Variants in MED15 observed in about 807,000 individuals in gnomAD.
MED15 encodes mediator of RNA polymerase II transcription subunit 15.
In MED15, 41 loss-of-function variants were observed where a neutral mutation model predicts 118.7. The observed-to-expected ratio is 0.35, with a 90% CI of 0.27 to 0.45. The LOEUF is 0.45. MED15 is among the 20% of genes least tolerant of loss of function. The pLI is 1.00. For synonymous variants in MED15, 436 were observed against 413.9 expected (o/e 1.05, Z -0.65); for missense variants, 740 against 1,025.5 (o/e 0.72, Z 3.80).
chr22:20,583,014 C>G (rs1309386635), intron 11 of MED15, 47 bp downstream of exon 11: 2 of 1,590,288 alleles, frequency 1.3e-6, no homozygotes, highest in African/African-American at 2.7e-5. Flanking sequence ...CTTTATGAGG[C>G]CTCAGCTCAT....
chr22:20,508,893 C>T (rs372522268), intron 1 of MED15, among the ~76,000 whole-genome samples: 6 of 152,116 alleles, frequency 3.9e-5, no homozygotes, highest in African/African-American at 1.4e-4. Flanking sequence ...GAGACACAGC[C>T]CCTTTCCTGA....
Position 20,583,360 on chromosome 22 carries a change from G to A in MED15, c.1703G>A (p.Ser568Asn). Residue 568 changes from serine to asparagine, a missense_variant, in exon 13 of 18, where the codon AGC (serine) becomes AAC (asparagine). Transcript: ENST00000263205. Reference sequence around the variant, plus strand: ...AAAAAGGACCTGAGTAAGATGAAGAGCCTTCTGGACATTCTGACAGACCCC... The same window carrying A: ...AAAAAGGACCTGAGTAAGATGAAGAACCTTCTGGACATTCTGACAGACCCC... ...DRKKDLSKMKSLLDILTDPSK... is the reference protein window; with the variant it reads ...DRKKDLSKMKNLLDILTDPSK... 1 of 1,612,378 alleles carries A rather than the reference G, an allele frequency of 6.2e-7. No homozygotes were observed. The highest frequency in any genetic ancestry group is 8.5e-7 in the Non-Finnish European group (1 of 1,180,030).
At chr22:20,554,066 C>G (rs543598258) in intron 4 of MED15, among the ~76,000 whole-genome samples, 33 of 152,352 alleles carry the variant, frequency 2.2e-4, no homozygotes, top group Middle Eastern at 6.8e-3. Flanking sequence ...GTCTGCCCTG[C>G]CCTAGACAGT....
chr22:20,584,493 A>T, intron 14 of MED15, 68 bp downstream of exon 14: 1 of 1,550,236 alleles, frequency 6.5e-7, no homozygotes, highest in African/African-American at 1.4e-5. Flanking sequence ...AGTGCTGCTG[A>T]GAGGGCCTTC....
intron 5 of MED15, among the ~76,000 whole-genome samples, chr22:20,564,118 G>C (rs1418890873): frequency 6.6e-6 from 1 of 152,308 alleles, no homozygotes; most frequent in Non-Finnish European, 1.5e-5. Context: ...GATGCCATTC[G>C]TACAAAGAGT....
chr22:20,568,017 A>G (rs2056505990), intron 7 of MED15, among the ~76,000 whole-genome samples: 1 of 152,066 alleles, frequency 6.6e-6, no homozygotes, highest in Admixed American at 6.5e-5. Context: ...ATTTTTGTAT[A>G]TTTTGTAGAT....
At chr22:20,584,696 T>A in intron 14 of MED15, 159 bp from the exon 15 acceptor site, 1 of 1,010,948 alleles carries the variant, frequency 9.9e-7, no homozygotes, top group Non-Finnish European at 1.4e-6. Flanking sequence ...GGTGGGGGAT[T>A]ATTCCCAGGA....
chr22:20,559,590 AG>A (rs774997876), intron 5 of MED15, among the ~76,000 whole-genome samples: 2 of 152,232 alleles, frequency 1.3e-5, no homozygotes, highest in Non-Finnish European at 2.9e-5. Flanking sequence ...AGAGCACCAA[AG>A]GCCAGAGGAA....
At chr22:20,581,147 G>A (rs1245049088) in intron 9 of MED15, among the ~76,000 whole-genome samples, 4 of 152,240 alleles carry the variant, frequency 2.6e-5, no homozygotes, top group South Asian at 2.1e-4. Flanking sequence ...CCCAGCACAC[G>A]TGGTTCAGGA....
At chr22:20,527,303 T>C (rs1367879667) in intron 1 of MED15, among the ~76,000 whole-genome samples, 1 of 152,170 alleles carries the variant, frequency 6.6e-6, no homozygotes, top group Non-Finnish European at 1.5e-5. Flanking sequence ...CAATTTTTTC[T>C]TTGACCTTTC....
chr22:20,585,759 G>T lies in MED15; in HGVS notation c.2163G>T (p.Leu721=), dbSNP rs201018718. ...DDKDLPSVPP[L]ELSVPADYPA... is the part of the protein sequence containing the mutation. ...AGGACCTCCCAAGTGTGCCACCACT[G>T]GAGCTCAGTGTGCCCGCTGACTATC... Residue 721 remains leucine (L), a synonymous_variant, in exon 17 of 18, where the codon CTG becomes CTT. Coordinates refer to ENST00000263205, the MANE Select transcript of MED15 (RefSeq NM_001003891.3). 9.9e-6 allele frequency: 16 copies of T among 1,613,352 alleles called. No individual in the cohort carries two copies. The highest frequency in any genetic ancestry group is 1.3e-5 in the Non-Finnish European group (15 of 1,180,018).
chr22:20,562,017 T>C (rs2056262429), intron 5 of MED15, among the ~76,000 whole-genome samples: 3 of 152,098 alleles, frequency 2.0e-5, no homozygotes, highest in Non-Finnish European at 4.4e-5. Context: ...ATTAGCTGAG[T>C]GTGGTGGTAC....
intron 4 of MED15, chr22:20,554,594 G>A (rs542305483): frequency 8.7e-5 from 18 of 207,464 alleles, no homozygotes; most frequent in African/African-American, 4.1e-4. Flanking sequence ...CACCCAGCAG[G>A]AGGGCTGGAC....
intron 1 of MED15, among the ~76,000 whole-genome samples, chr22:20,509,126 T>C (rs2053977460): frequency 6.6e-6 from 1 of 151,994 alleles, no homozygotes; most frequent in Non-Finnish European, 1.5e-5. Flanking sequence ...AGGGAGGATC[T>C]TGTAGGCTGA....
At chr22:20,579,483 G>T (rs528453355) in intron 9 of MED15, among the ~76,000 whole-genome samples, 56 of 152,052 alleles carry the variant, frequency 3.7e-4, no homozygotes, top group African/African-American at 1.2e-3. Context: ...GCCTCCAGGG[G>T]ACACACTGAG....
Position 20,585,197 on chromosome 22 carries a change from C to T in MED15, c.2061C>T (p.Pro687=). 1.2e-6 allele frequency: 2 copies of T among 1,613,786 alleles called. No individual in the cohort carries two copies. The highest frequency in any genetic ancestry group is 1.7e-6 in the Non-Finnish European group (2 of 1,180,010). Residue 687 remains proline, a synonymous_variant, in exon 16 of 18, where the codon CCC becomes CCT. Transcript: ENST00000263205. ...VLQGEVARLD[P]KFLVNLDPSH... is the part of the protein sequence containing the mutation. Reference sequence around the variant, plus strand: ...AGGGTGAGGTGGCCAGGCTGGACCCCAAGTTCCTGGTAAACCTGGACCCTT... The same window carrying T: ...AGGGTGAGGTGGCCAGGCTGGACCCTAAGTTCCTGGTAAACCTGGACCCTT...
chr22:20,574,690 T>G (rs140659859), intron 8 of MED15: 206 of 165,566 alleles, frequency 1.2e-3, no homozygotes, highest in African/African-American at 4.9e-3. Flanking sequence ...AGTGTTCTCA[T>G]CACAGGCTTT....
chr22:20,542,487 A>C (rs1317320520), intron 2 of MED15, among the ~76,000 whole-genome samples: 4 of 152,244 alleles, frequency 2.6e-5, no homozygotes, highest in African/African-American at 7.2e-5. Flanking sequence ...TTGCATTTTT[A>C]TAAAATGTCC....
chr22:20,570,915 C>A (rs1174509446), intron 8 of MED15, among the ~76,000 whole-genome samples: 4 of 151,734 alleles, frequency 2.6e-5, no homozygotes, highest in African/African-American at 9.7e-5. Context: ...CAGGCATGCG[C>A]CACTATATCC....
Sources: gnomAD v4.1 joint callset for allele counts (sites outside exome capture counted in the v4.1 genomes callset) on GRCh38, gnomAD v4.1.1 for gene constraint, MANE v1.5 for transcripts, NCBI Gene and HGNC (gene_info 2026-07-23, HGNC 2026-07-21) for gene names.